Variants in CSMD2 observed in about 807,000 individuals in gnomAD.
CSMD2 encodes CUB and Sushi multiple domains 2.
Under a neutral mutation model 398.5 loss-of-function variants are expected in CSMD2, and 130 were observed. That is an observed-to-expected ratio of 0.33 (90% CI 0.28 to 0.38). CSMD2 has a LOEUF of 0.38. Ranked by LOEUF, CSMD2 falls within the 10% of genes least tolerant of loss-of-function variation. CSMD2 has a pLI of 1.00. For missense variants in CSMD2, 3,829 were observed against 4,764.9 expected, an observed-to-expected ratio of 0.80 and a Z score of 5.78; for synonymous variants, 1,828 against 1,908.5, an observed-to-expected ratio of 0.96 and a Z score of 1.10.
intron 4 of CSMD2, among the ~76,000 whole-genome samples, chr1:33,929,187 T>A (rs1644228533): frequency 6.6e-6 from 1 of 152,094 alleles, no homozygotes; most frequent in South Asian, 2.1e-4. Flanking sequence ...GTCTGTTGGC[T>A]GTATCCCCAA....
intron 25 of CSMD2, among the ~76,000 whole-genome samples, chr1:33,681,896 G>A (rs1644919132): frequency 2.0e-5 from 3 of 152,188 alleles, no homozygotes; most frequent in African/African-American, 7.2e-5. Flanking sequence ...AACCCGGGAG[G>A]TGGAGTTTGC....
At position 33,601,039 on chromosome 1, in the gene CSMD2, G is replaced by A. The variant is rs768409403; in HGVS notation, c.6711-29C>T. ...TACACAGGAAACAAGGTCCTGGCAT[G>A]TCACTAGTCACCATGGCTGCCTGCT... On this transcript the variant is annotated intron_variant, in intron 43 of 70. Coordinates refer to ENST00000373381, the MANE Select transcript of CSMD2 (RefSeq NM_001281956.2). The A allele has an allele frequency of 5.6e-6, 9 of 1,613,142 alleles. No homozygotes were observed. The African/African-American group carries it at 8.0e-5, about 14-fold the overall frequency.
At chr1:33,699,389 T>C (rs1645531424) in intron 23 of CSMD2, among the ~76,000 whole-genome samples, 3 of 152,188 alleles carry the variant, frequency 2.0e-5, no homozygotes, top group Admixed American at 2.0e-4. Context: ...TATGCAGAGC[T>C]CCCACTCTAC....
At chr1:33,927,441 C>T in intron 4 of CSMD2, among the ~76,000 whole-genome samples, 1 of 152,128 alleles carries the variant, frequency 6.6e-6, no homozygotes, top group Admixed American at 6.5e-5. Context: ...CATTATGGGC[C>T]AGGCATTGTG....
chr1:34,165,206 A>T lies in CSMD2; in HGVS notation c.-109T>A. 2 of 1,163,902 alleles carry T rather than the reference A, an allele frequency of 1.7e-6. No homozygotes were observed. The highest frequency in any genetic ancestry group is 2.1e-6 in the Non-Finnish European group (2 of 944,756). 72.1% of individuals were successfully genotyped at this position (1,163,902 alleles called of 1,614,324 possible). On this transcript the variant is annotated 5_prime_UTR_variant, in exon 1 of 71. Transcript: ENST00000373381. ...CTCGGAAAAAATCCCGGTACGCGGG[A>T]GCCCTGAGCTTCTGCGGCTGGAATG... is the stretch of plus-strand genomic sequence containing the variant.
rs531364234 is a variant in CSMD2 at position 33,678,368 on chromosome 1, C to A, written c.4052+14562G>T. Among the ~76,000 whole-genome samples, 23 of 150,804 alleles carry A rather than the reference C, an allele frequency of 1.5e-4. No individual in the cohort carries two copies. The South Asian group carries it at 4.9e-3, about 32-fold the overall frequency. On this transcript the variant is annotated intron_variant, in intron 25 of 70. Coordinates refer to ENST00000373381, the MANE Select transcript of CSMD2 (RefSeq NM_001281956.2). Reference sequence around the variant, plus strand: ...CAAAAATGAGAAAATAAAAAAAATTCATGGCACCTTGACCTGTTGATTTCA... The same window carrying A: ...CAAAAATGAGAAAATAAAAAAAATTAATGGCACCTTGACCTGTTGATTTCA...
chr1:33,877,633 G>A (rs1364201487), intron 5 of CSMD2, among the ~76,000 whole-genome samples: 4 of 152,192 alleles, frequency 2.6e-5, no homozygotes, highest in Non-Finnish European at 5.9e-5. Context: ...AGACAATACT[G>A]TAGTGGTAAA....
rs555066225 is a variant in CSMD2 at position 34,072,541 on chromosome 1, C to A, written c.404+16436G>T. On this transcript the variant is annotated intron_variant, in intron 2 of 70. Coordinates refer to ENST00000373381, the MANE Select transcript of CSMD2 (RefSeq NM_001281956.2). ...TCTAGGGGAATGTTGCGTCTTTGAC[C>A]AATATCTCATGATACTGCAGGCAGG... 2.0e-4 allele frequency among the ~76,000 whole-genome samples: 31 copies of A among 152,262 alleles called. No homozygotes were observed. In the East Asian group the frequency reaches 4.1e-3, roughly 20 times the overall value.
intron 3 of CSMD2, among the ~76,000 whole-genome samples, chr1:33,956,971 A>G (rs1645191470): frequency 6.6e-6 from 1 of 151,318 alleles, no homozygotes; most frequent in Non-Finnish European, 1.5e-5. Context: ...CTTCCTCACC[A>G]TGCTCCAGCC....
Position 33,807,189 on chromosome 1 carries a change from G to C in CSMD2, c.1446+3554C>G, listed in dbSNP as rs1201270826. On this transcript the variant is annotated intron_variant, in intron 10 of 70. Transcript: ENST00000373381. ...CCAGAACAATATTTCCATGTGCAGA[G>C]AGAATGGAACTATCAACTGATAATC... Among the ~76,000 whole-genome samples the C allele has an allele frequency of 3.3e-5, 5 of 152,208 alleles. No individual in the cohort carries two copies. In the South Asian group the frequency reaches 8.3e-4, roughly 25 times the overall value.
chr1:33,836,215 C>T (rs545226059), intron 6 of CSMD2, among the ~76,000 whole-genome samples: 14 of 152,164 alleles, frequency 9.2e-5, no homozygotes, highest in East Asian at 7.7e-4. Context: ...CCTGATCGTT[C>T]GTCTGGAAGT....
At chr1:33,972,875 C>T (rs1201047345) in intron 3 of CSMD2, among the ~76,000 whole-genome samples, 5 of 152,138 alleles carry the variant, frequency 3.3e-5, no homozygotes, top group Non-Finnish European at 5.9e-5. Flanking sequence ...GACTCATCTA[C>T]TGATGTTTCT....
chr1:33,821,923 T>C lies in CSMD2; in HGVS notation c.1112-1367A>G, dbSNP rs754149277. On this transcript the variant is annotated intron_variant, in intron 7 of 70. Transcript: ENST00000373381. The stretch of plus-strand genomic sequence containing the variant: ...AGATAGACAGGCACGAGGAGTGAGG[T>C]GGAAACCTGGAAAGAGAATGCGTGT... Among the ~76,000 whole-genome samples the C allele has an allele frequency of 5.9e-5, 9 of 151,778 alleles. No homozygotes were observed. The Middle Eastern group carries it at 0.014, about 229-fold the overall frequency.
chr1:33,981,566 G>A (rs1292678105), intron 3 of CSMD2, among the ~76,000 whole-genome samples: 1 of 152,154 alleles, frequency 6.6e-6, no homozygotes, highest in East Asian at 1.9e-4. Flanking sequence ...TGTTCATCAC[G>A]TATTTCCGTC....
At chr1:34,139,600 AC>A (rs1322852509) in intron 1 of CSMD2, among the ~76,000 whole-genome samples, 10 of 152,244 alleles carry the variant, frequency 6.6e-5, no homozygotes, top group African/African-American at 2.2e-4. Context: ...AGACAGAGTC[AC>A]AAACATAAAC....
At chr1:33,945,905 C>T in intron 3 of CSMD2, among the ~76,000 whole-genome samples, 1 of 152,250 alleles carries the variant, frequency 6.6e-6, no homozygotes, top group Admixed American at 6.5e-5. Context: ...TGAAACATGG[C>T]TAAATACTGT....
At chr1:34,105,775 T>C (rs1011329815) in intron 1 of CSMD2, among the ~76,000 whole-genome samples, 3 of 152,228 alleles carry the variant, frequency 2.0e-5, no homozygotes, top group Non-Finnish European at 2.9e-5. Context: ...ATACATATTG[T>C]AGTTTGAAGC....
At chr1:34,128,622 C>A (rs1381567232) in intron 1 of CSMD2, among the ~76,000 whole-genome samples, 1 of 152,202 alleles carries the variant, frequency 6.6e-6, no homozygotes, top group Admixed American at 6.5e-5. Context: ...CACAGCCTGG[C>A]AGGCTCTGTG....
intron 53 of CSMD2, among the ~76,000 whole-genome samples, chr1:33,563,642 G>T (rs1658782513): frequency 1.3e-5 from 2 of 151,966 alleles, no homozygotes; most frequent in South Asian, 4.1e-4. Flanking sequence ...ATTTGTTCAA[G>T]GGTCACAGTT....
Sources: allele counts gnomAD v4.1 joint callset (sites outside exome capture counted in the v4.1 genomes callset), GRCh38; gene constraint gnomAD v4.1.1; transcripts MANE v1.5; gene names NCBI Gene and HGNC (gene_info 2026-07-23, HGNC 2026-07-21).